The following STX8 variants were observed in gnomAD, a reference collection of about 807,000 sequenced individuals.
The protein encoded by STX8 is syntaxin-8.
STX8 carries 23 observed loss-of-function variants against 37.5 expected under a neutral mutation model. The observed-to-expected ratio is 0.61, with a 90% CI of 0.44 to 0.87. The LOEUF is 0.87. Among genes scored for constraint, STX8 ranks in the 40% least tolerant of loss-of-function variants. The probability of loss-of-function intolerance (pLI) is 0.00; values close to 1 mark genes in which losing one functional copy is unlikely to be tolerated. For missense variants in STX8, 313 were observed against 284.7 expected, an observed-to-expected ratio of 1.10 and a Z score of -0.71; for synonymous variants, 115 against 99.1, an observed-to-expected ratio of 1.16 and a Z score of -0.95.
intron 6 of STX8, among the ~76,000 whole-genome samples, chr17:9,425,906 A>G (rs1913608179): frequency 6.6e-6 from 1 of 150,784 alleles, no homozygotes; most frequent in South Asian, 2.1e-4. Context: ...GCCAGTCTCA[A>G]TCTCTCTCTT....
chr17:9,475,258 T>G (rs764833278), intron 6 of STX8, among the ~76,000 whole-genome samples: 2 of 152,160 alleles, frequency 1.3e-5, no homozygotes, highest in Non-Finnish European at 2.9e-5. Flanking sequence ...TCTTCAAGAA[T>G]AGAGTTGGGA....
chr17:9,438,305 C>A (rs1904512936), intron 6 of STX8, among the ~76,000 whole-genome samples: 1 of 150,246 alleles, frequency 6.7e-6, no homozygotes, highest in South Asian at 2.1e-4. Flanking sequence ...CTCTACAACA[C>A]ACTACCCCCC....
chr17:9,335,476 A>G (rs1326746866), intron 7 of STX8, among the ~76,000 whole-genome samples: 1 of 152,210 alleles, frequency 6.6e-6, no homozygotes, highest in Non-Finnish European at 1.5e-5. Flanking sequence ...TAAGACCATC[A>G]TAATGGCAAT....
chr17:9,276,250 A>G (rs919621110), intron 7 of STX8, among the ~76,000 whole-genome samples: 1 of 152,156 alleles, frequency 6.6e-6, no homozygotes, highest in African/African-American at 2.4e-5. Context: ...TGGACTAGGA[A>G]ATAAGGAGTG....
chr17:9,398,733 G>A (rs1175269523), intron 6 of STX8, among the ~76,000 whole-genome samples: 1 of 152,026 alleles, frequency 6.6e-6, no homozygotes, highest in Non-Finnish European at 1.5e-5. Flanking sequence ...CATACTATCT[G>A]ATTTCAAGAC....
At chr17:9,356,388 G>C (rs1281167510) in intron 7 of STX8, among the ~76,000 whole-genome samples, 1 of 152,118 alleles carries the variant, frequency 6.6e-6, no homozygotes, top group African/African-American at 2.4e-5. Context: ...ATCGAAGGCT[G>C]GAAAAACATG....
intron 4 of STX8, among the ~76,000 whole-genome samples, chr17:9,536,651 C>T (rs887896607): frequency 6.6e-6 from 1 of 152,160 alleles, no homozygotes; most frequent in Non-Finnish European, 1.5e-5. Context: ...CTTCTACACA[C>T]CCATCTGCAC....
intron 7 of STX8, among the ~76,000 whole-genome samples, chr17:9,360,388 C>A (rs1273036031): frequency 2.6e-5 from 4 of 151,602 alleles, no homozygotes; most frequent in Non-Finnish European, 2.9e-5. Flanking sequence ...TCGTGCACCA[C>A]CACGCCCAGC....
intron 7 of STX8, among the ~76,000 whole-genome samples, chr17:9,330,308 C>A (rs1909918854): frequency 6.6e-6 from 1 of 152,184 alleles, no homozygotes; most frequent in Admixed American, 6.5e-5. Context: ...AGTAGCCCAC[C>A]AGGGGGAAAT....
intron 7 of STX8, among the ~76,000 whole-genome samples, chr17:9,375,607 T>C (rs1024373355): frequency 6.6e-6 from 1 of 152,188 alleles, no homozygotes; most frequent in Non-Finnish European, 1.5e-5. Context: ...CTAATACCAG[T>C]ACTTGCTCAC....
intron 6 of STX8, among the ~76,000 whole-genome samples, chr17:9,399,975 A>G (rs1047065461): frequency 1.3e-5 from 2 of 152,152 alleles, no homozygotes; most frequent in Non-Finnish European, 2.9e-5. Context: ...TACTAAAATG[A>G]ACATGGTAGC....
intron 6 of STX8, among the ~76,000 whole-genome samples, chr17:9,382,695 G>T: frequency 6.6e-6 from 1 of 152,200 alleles, no homozygotes; most frequent in Non-Finnish European, 1.5e-5. Context: ...AGACCAGACA[G>T]ACTTCTTGAA....
intron 4 of STX8, among the ~76,000 whole-genome samples, chr17:9,512,479 T>TC (rs1167964920): frequency 6.6e-6 from 1 of 151,650 alleles, no homozygotes; most frequent in Non-Finnish European, 1.5e-5. Flanking sequence ...TTTTTTTTTT[T>TC]CCGAGGCAGA....
intron 2 of STX8, among the ~76,000 whole-genome samples, chr17:9,564,006 T>C (rs562609264): frequency 1.3e-5 from 2 of 152,304 alleles, no homozygotes; most frequent in Admixed American, 6.5e-5. Flanking sequence ...ATTATCTCAA[T>C]AGAAGCAGGA....
chr17:9,256,097 A>C (rs540114433), intron 7 of STX8, among the ~76,000 whole-genome samples: 1 of 152,346 alleles, frequency 6.6e-6, no homozygotes, highest in South Asian at 2.1e-4. Flanking sequence ...TACTTGGTTT[A>C]ATTCTGCACA....
chr17:9,358,871 C>T (rs1205537869), intron 7 of STX8, among the ~76,000 whole-genome samples: 4 of 152,066 alleles, frequency 2.6e-5, no homozygotes, highest in Admixed American at 6.6e-5. Context: ...CAGGAAACTC[C>T]GGGAGCACCC....
At chr17:9,362,643 C>G (rs1911095876) in intron 7 of STX8, among the ~76,000 whole-genome samples, 1 of 151,688 alleles carries the variant, frequency 6.6e-6, no homozygotes, top group South Asian at 2.1e-4. Context: ...ATGGTGAAAC[C>G]CCGTCTCTAC....
intron 7 of STX8, among the ~76,000 whole-genome samples, chr17:9,310,186 G>C (rs1025701550): frequency 6.6e-6 from 1 of 152,056 alleles, no homozygotes; most frequent in African/African-American, 2.4e-5. Context: ...CAAAAAAACA[G>C]GCACCCTGAT....
intron 7 of STX8, among the ~76,000 whole-genome samples, chr17:9,308,989 CT>C (rs1052825451): frequency 1.3e-5 from 2 of 149,858 alleles, no homozygotes; most frequent in African/African-American, 2.5e-5. Context: ...GCCTAGTTTT[CT>C]TTTTTTTTCA....
Sources: allele counts gnomAD v4.1 joint callset (sites outside exome capture counted in the v4.1 genomes callset), GRCh38; gene constraint gnomAD v4.1.1; transcripts MANE v1.5; gene names NCBI Gene and HGNC (gene_info 2026-07-23, HGNC 2026-07-21).